Variants in GRM5 observed in about 807,000 individuals in gnomAD.
GRM5 encodes the protein metabotropic glutamate receptor 5.
GRM5 carries 19 observed loss-of-function variants against 83.1 expected under a neutral mutation model. That is an observed-to-expected ratio of 0.23 (90% CI 0.16 to 0.34). The LOEUF (loss-of-function observed/expected upper bound fraction) is 0.34. GRM5 is among the 10% of genes least tolerant of loss of function. GRM5 has a pLI of 1.00. For synonymous variants in GRM5, 675 were observed against 633.6 expected (o/e 1.07, Z -0.98); for missense variants, 1,160 against 1,588.3 (o/e 0.73, Z 4.58).
At position 88,841,918 on chromosome 11, in the gene GRM5, A is replaced by G. The variant is rs140818162; in HGVS notation, c.911+7988T>C. The stretch of plus-strand genomic sequence containing the variant: ...TTCACAGGGAGATGATTAGCCTCAT[A>G]CTGTGATTTAAGCAGATACTCATAA... On this transcript the variant is annotated intron_variant, in intron 3 of 9. Transcript: ENST00000305447. 5.5e-4 allele frequency among the ~76,000 whole-genome samples: 84 copies of G among 152,340 alleles called. 1 individual carries two copies. Among genetic ancestry groups the G allele is most frequent in the African/African-American group, 1.7e-3 (72 of 41,580 alleles).
chr11:88,831,646 G>A (rs1428567754), intron 3 of GRM5, among the ~76,000 whole-genome samples: 1 of 152,088 alleles, frequency 6.6e-6, no homozygotes, highest in Non-Finnish European at 1.5e-5. Flanking sequence ...ACCTCTCATG[G>A]TGCTGAGGAT....
At chr11:88,873,434 A>G (rs1026811170) in intron 2 of GRM5, among the ~76,000 whole-genome samples, 1 of 151,698 alleles carries the variant, frequency 6.6e-6, no homozygotes, top group African/African-American at 2.4e-5. Context: ...CACATGGAAC[A>G]TTCTCCAGGA....
At chr11:89,050,921 A>G (rs1388508288) in intron 1 of GRM5, among the ~76,000 whole-genome samples, 1 of 152,104 alleles carries the variant, frequency 6.6e-6, no homozygotes, top group African/African-American at 2.4e-5. Flanking sequence ...ACATGTATAC[A>G]TAGTGGGGAA....
At chr11:88,671,138 C>T (rs1405300811) in intron 3 of GRM5, among the ~76,000 whole-genome samples, 1 of 151,610 alleles carries the variant, frequency 6.6e-6, no homozygotes, top group Admixed American at 6.6e-5. Context: ...CCAAAAATAA[C>T]ATCTCCAACA....
chr11:88,706,911 T>C (rs1941172689), intron 3 of GRM5, among the ~76,000 whole-genome samples: 1 of 152,082 alleles, frequency 6.6e-6, no homozygotes, highest in South Asian at 2.1e-4. Flanking sequence ...GTTCTTGAAG[T>C]TGACGATCTT....
chr11:88,722,315 C>A (rs1565201478), intron 3 of GRM5, among the ~76,000 whole-genome samples: 1 of 152,132 alleles, frequency 6.6e-6, no homozygotes, highest in Admixed American at 6.6e-5. Context: ...GGTGTGAAAT[C>A]TGCCTCCAAC....
chr11:88,662,197 G>C (rs868713266), intron 3 of GRM5, among the ~76,000 whole-genome samples: 5 of 152,096 alleles, frequency 3.3e-5, no homozygotes, highest in South Asian at 2.1e-4. Flanking sequence ...GAAACTGGAG[G>C]ATTAACTAGC....
intron 2 of GRM5, among the ~76,000 whole-genome samples, chr11:88,946,800 G>A (rs1938296897): frequency 6.6e-6 from 1 of 152,046 alleles, no homozygotes; most frequent in Non-Finnish European, 1.5e-5. Flanking sequence ...TCTTTCTTTT[G>A]TGGGGGTTAC....
At chr11:88,608,741 C>T (rs571090695) in intron 4 of GRM5, among the ~76,000 whole-genome samples, 129 of 151,962 alleles carry the variant, frequency 8.5e-4, no homozygotes, top group Non-Finnish European at 8.7e-4. Flanking sequence ...AGGATGGTCT[C>T]GATCTCCTGA....
At chr11:88,870,115 T>C (rs1316774251) in intron 2 of GRM5, among the ~76,000 whole-genome samples, 1 of 151,502 alleles carries the variant, frequency 6.6e-6, no homozygotes, top group African/African-American at 2.4e-5. Flanking sequence ...ATTCTAGATA[T>C]GGGACAGAGC....
chr11:88,843,096 T>C (rs766493671), intron 3 of GRM5, among the ~76,000 whole-genome samples: 2 of 152,172 alleles, frequency 1.3e-5, no homozygotes, highest in African/African-American at 2.4e-5. Flanking sequence ...TCCACAGATA[T>C]TGCATTTTTT....
intron 3 of GRM5, among the ~76,000 whole-genome samples, chr11:88,809,640 T>A (rs1943555597): frequency 6.6e-6 from 1 of 151,866 alleles, no homozygotes; most frequent in African/African-American, 2.4e-5. Context: ...CTTGGGCAAT[T>A]TGGGGAAAGA....
At chr11:88,987,982 C>T (rs1473684150) in intron 2 of GRM5, among the ~76,000 whole-genome samples, 1 of 151,128 alleles carries the variant, frequency 6.6e-6, no homozygotes, top group Non-Finnish European at 1.5e-5. Flanking sequence ...TGCAGTTCCT[C>T]ACCAGCAACG....
intron 2 of GRM5, among the ~76,000 whole-genome samples, chr11:88,907,648 G>A (rs1427071988): frequency 1.3e-5 from 2 of 152,104 alleles, no homozygotes; most frequent in African/African-American, 2.4e-5. Flanking sequence ...TACAAGGTGG[G>A]AGAGCAGAAT....
intron 3 of GRM5, among the ~76,000 whole-genome samples, chr11:88,747,065 C>G (rs1942160472): frequency 6.6e-6 from 1 of 152,118 alleles, no homozygotes; most frequent in Non-Finnish European, 1.5e-5. Context: ...ATAAAGAAGA[C>G]ACCCCGTTAT....
intron 3 of GRM5, among the ~76,000 whole-genome samples, chr11:88,670,281 A>G (rs1357521519): frequency 6.6e-6 from 1 of 152,074 alleles, no homozygotes; most frequent in Non-Finnish European, 1.5e-5. Context: ...GAATGATAAA[A>G]TAATAAATCT....
intron 2 of GRM5, among the ~76,000 whole-genome samples, chr11:89,008,770 A>G (rs1340726265): frequency 6.6e-6 from 1 of 152,156 alleles, no homozygotes; most frequent in African/African-American, 2.4e-5. Flanking sequence ...ACATTACACT[A>G]CAAATACGAT....
At chr11:88,705,685 C>T (rs1266977351) in intron 3 of GRM5, among the ~76,000 whole-genome samples, 4 of 151,520 alleles carry the variant, frequency 2.6e-5, no homozygotes, top group Non-Finnish European at 4.4e-5. Context: ...CTGCTAATCT[C>T]ATATATATTC....
intron 3 of GRM5, among the ~76,000 whole-genome samples, chr11:88,753,114 A>C (rs1942317345): frequency 6.6e-6 from 1 of 152,202 alleles, no homozygotes; most frequent in African/African-American, 2.4e-5. Flanking sequence ...AATAGTATTT[A>C]ATTAAACTAA....
Sources: gnomAD v4.1 joint callset for allele counts (sites outside exome capture counted in the v4.1 genomes callset) on GRCh38, gnomAD v4.1.1 for gene constraint, MANE v1.5 for transcripts, NCBI Gene and HGNC (gene_info 2026-07-23, HGNC 2026-07-21) for gene names.